UGT8: variants seen among roughly 807,000 people sequenced by gnomAD.
The protein encoded by UGT8 is 2-hydroxyacylsphingosine 1-beta-galactosyltransferase.
A neutral mutation model predicts 40.5 loss-of-function variants in UGT8; 12 were observed. The observed-to-expected ratio is 0.30, with a 90% CI of 0.19 to 0.48. UGT8 has a LOEUF of 0.48. Among genes scored for constraint, UGT8 ranks in the 20% least tolerant of loss-of-function variants. The probability of loss-of-function intolerance (pLI) is 0.99; values close to 1 mark genes in which losing one functional copy is unlikely to be tolerated. For synonymous variants in UGT8, 224 were observed against 240.4 expected, an observed-to-expected ratio of 0.93 and a Z score of 0.63; for missense variants, 513 against 648.7, an observed-to-expected ratio of 0.79 and a Z score of 2.27.
At chr4:114,661,120 G>A (rs1480590117) in intron 2 of UGT8, among the ~76,000 whole-genome samples, 1 of 151,962 alleles carries the variant, frequency 6.6e-6, no homozygotes, top group African/African-American at 2.4e-5. Flanking sequence ...TTTCTGTTAG[G>A]TTTATTTGTA....
At chr4:114,623,986 G>A (rs1299217492) in intron 2 of UGT8, among the ~76,000 whole-genome samples, 3 of 152,192 alleles carry the variant, frequency 2.0e-5, no homozygotes, top group Non-Finnish European at 2.9e-5. Context: ...GTTATAGTAT[G>A]TGAGGAGAAT....
At chr4:114,655,756 T>G (rs1176758069) in intron 2 of UGT8, among the ~76,000 whole-genome samples, 1 of 152,034 alleles carries the variant, frequency 6.6e-6, no homozygotes, top group African/African-American at 2.4e-5. Flanking sequence ...AAATTAACAA[T>G]GATATATTAC....
At chr4:114,671,251 A>T (rs1253569308) in intron 5 of UGT8, among the ~76,000 whole-genome samples, 1 of 152,218 alleles carries the variant, frequency 6.6e-6, no homozygotes, top group African/African-American at 2.4e-5. Context: ...TTATAGATTG[A>T]ATGCTATTCC....
chr4:114,612,824 T>C (rs1226831059), intron 1 of UGT8, among the ~76,000 whole-genome samples: 1 of 152,194 alleles, frequency 6.6e-6, no homozygotes, highest in African/African-American at 2.4e-5. Flanking sequence ...ATTTTAATAG[T>C]GTCCCTATAA....
chr4:114,611,442 A>G (rs1246691378), intron 1 of UGT8, among the ~76,000 whole-genome samples: 3 of 84,366 alleles, frequency 3.6e-5, no homozygotes, highest in African/African-American at 1.3e-4. Flanking sequence ...ATATATATAT[A>G]TATACACACA....
intron 2 of UGT8, among the ~76,000 whole-genome samples, chr4:114,659,287 A>T (rs1363367669): frequency 6.6e-6 from 1 of 152,226 alleles, no homozygotes; most frequent in Non-Finnish European, 1.5e-5. Flanking sequence ...AGATAAAATG[A>T]TTATTTTTAT....
chr4:114,629,865 T>C (rs1732465181), intron 2 of UGT8, among the ~76,000 whole-genome samples: 1 of 152,208 alleles, frequency 6.6e-6, no homozygotes, highest in African/African-American at 2.4e-5. Context: ...CAGCACACAT[T>C]GTTAAGTTTT....
At chr4:114,634,535 A>G (rs1732769506) in intron 2 of UGT8, among the ~76,000 whole-genome samples, 1 of 152,184 alleles carries the variant, frequency 6.6e-6, no homozygotes, top group Non-Finnish European at 1.5e-5. Flanking sequence ...TCCATCCTTT[A>G]TTGGTGTTGG....
At chr4:114,615,496 C>G (rs1444341427) in intron 1 of UGT8, among the ~76,000 whole-genome samples, 2 of 152,098 alleles carry the variant, frequency 1.3e-5, no homozygotes, top group Non-Finnish European at 2.9e-5. Context: ...GATCCTGAGT[C>G]CCCCTAGGGC....
intron 1 of UGT8, among the ~76,000 whole-genome samples, chr4:114,600,295 C>G (rs1730365816): frequency 1.3e-5 from 2 of 152,170 alleles, no homozygotes; most frequent in Admixed American, 1.3e-4. Flanking sequence ...CAAAAATCTT[C>G]AGTCCCCTCA....
intron 2 of UGT8, among the ~76,000 whole-genome samples, chr4:114,634,198 G>A (rs987349373): frequency 5.9e-5 from 9 of 152,172 alleles, no homozygotes; most frequent in Non-Finnish European, 1.2e-4. Flanking sequence ...TCCTTGATGC[G>A]AAAGAGTAAG....
At chr4:114,651,820 C>T (rs540573373) in intron 2 of UGT8, among the ~76,000 whole-genome samples, 2 of 151,942 alleles carry the variant, frequency 1.3e-5, no homozygotes, top group Admixed American at 1.3e-4. Context: ...GCATAGATTT[C>T]TGAAAAGATT....
intron 2 of UGT8, among the ~76,000 whole-genome samples, chr4:114,629,420 A>C (rs552810388): frequency 6.6e-6 from 1 of 152,336 alleles, no homozygotes; most frequent in Admixed American, 6.5e-5. Context: ...ATGCCTGAAA[A>C]GTGGTTGGCA....
intron 2 of UGT8, among the ~76,000 whole-genome samples, chr4:114,635,917 A>G (rs541508433): frequency 2.0e-4 from 30 of 152,308 alleles, no homozygotes; most frequent in Non-Finnish European, 3.7e-4. Context: ...TGAAAAGAGA[A>G]ATTATTTATG....
intron 1 of UGT8, among the ~76,000 whole-genome samples, chr4:114,608,130 G>A (rs559229335): frequency 2.0e-3 from 302 of 152,136 alleles, no homozygotes; most frequent in African/African-American, 7.0e-3. Flanking sequence ...ATTCATTTCA[G>A]GATATCCCCC....
intron 2 of UGT8, among the ~76,000 whole-genome samples, chr4:114,641,219 G>A (rs1214157259): frequency 6.6e-6 from 1 of 152,126 alleles, no homozygotes; most frequent in Non-Finnish European, 1.5e-5. Flanking sequence ...TCTACTATTG[G>A]TGGCATTACT....
At chr4:114,671,929 C>G (rs1560712346) in intron 5 of UGT8, among the ~76,000 whole-genome samples, 1 of 152,120 alleles carries the variant, frequency 6.6e-6, no homozygotes, top group Non-Finnish European at 1.5e-5. Flanking sequence ...ACCCATCTGA[C>G]AAAGGTCTAA....
At chr4:114,665,587 A>G (rs1734809944) in intron 3 of UGT8, 93 bp from the exon 4 acceptor site, 10 of 1,255,754 alleles carry the variant, frequency 8.0e-6, no homozygotes, top group Non-Finnish European at 9.5e-6. Flanking sequence ...AGATCATCAA[A>G]CATTTATTTT....
intron 2 of UGT8, among the ~76,000 whole-genome samples, chr4:114,650,549 T>A (rs10021210): frequency 6.6e-6 from 1 of 152,102 alleles, no homozygotes; most frequent in Non-Finnish European, 1.5e-5. Flanking sequence ...TCAATTTTTA[T>A]TTAAAGTATA....
Sources: gnomAD v4.1 joint callset for allele counts (sites outside exome capture counted in the v4.1 genomes callset) on GRCh38, gnomAD v4.1.1 for gene constraint, MANE v1.5 for transcripts, NCBI Gene and HGNC (gene_info 2026-07-23, HGNC 2026-07-21) for gene names.